PRKAR1B: variants seen among roughly 807,000 people sequenced by gnomAD.
The protein encoded by PRKAR1B is cAMP-dependent protein kinase type I-beta regulatory subunit.
Under a neutral mutation model 46.5 loss-of-function variants are expected in PRKAR1B, and 22 were observed. The ratio of observed to expected loss-of-function variants is 0.47; its 90% confidence interval spans 0.34 to 0.68. The LOEUF (loss-of-function observed/expected upper bound fraction) is 0.68. PRKAR1B is among the 30% of genes least tolerant of loss of function. The probability of loss-of-function intolerance (pLI) is 0.01; values close to 1 mark genes in which losing one functional copy is unlikely to be tolerated. For missense variants in PRKAR1B, 445 were observed against 535.6 expected, an observed-to-expected ratio of 0.83 and a Z score of 1.67; for synonymous variants, 259 against 217.7, an observed-to-expected ratio of 1.19 and a Z score of -1.67.
At chr7:649,737 T>G (rs1784797299) in intron 4 of PRKAR1B, among the ~76,000 whole-genome samples, 1 of 151,626 alleles carries the variant, frequency 6.6e-6, no homozygotes, top group African/African-American at 2.4e-5. Context: ...GGCTAATTTT[T>G]TGTTCTTTGC....
At position 623,837 on chromosome 7, in the gene PRKAR1B, G is replaced by GA. The variant is rs1783238280; in HGVS notation, c.441-16386dup. ...CTTGGCATTGGAGAGAGAAGCGCGT[G>GA]AATGGCCAGGGTTCAGGGTATGGAA... On this transcript the variant is annotated intron_variant, in intron 4 of 10. Transcript: ENST00000537384. Among the ~76,000 whole-genome samples, 5 of 152,326 alleles carry GA rather than the reference G, an allele frequency of 3.3e-5. No homozygotes were observed. The South Asian group carries it at 1.0e-3, about 32-fold the overall frequency.
intron 2 of PRKAR1B, among the ~76,000 whole-genome samples, chr7:700,911 G>A (rs1780022133): frequency 6.6e-6 from 1 of 152,168 alleles, no homozygotes; most frequent in South Asian, 2.1e-4. Flanking sequence ...AGGTGGGCAG[G>A]GCATCGTGGC....
intron 9 of PRKAR1B, among the ~76,000 whole-genome samples, chr7:573,690 A>G (rs1320588394): frequency 6.6e-6 from 1 of 152,202 alleles, no homozygotes; most frequent in African/African-American, 2.4e-5. Flanking sequence ...AACACCCAAG[A>G]AGGTAAAATC....
chr7:604,149 A>C (rs1244107260), intron 6 of PRKAR1B, among the ~76,000 whole-genome samples: 1 of 152,168 alleles, frequency 6.6e-6, no homozygotes, highest in Admixed American at 6.5e-5. Context: ...TCTGGATACC[A>C]GGCACAACGG....
intron 4 of PRKAR1B, among the ~76,000 whole-genome samples, chr7:640,791 CACACACACACACACACAG>C (rs751101896): frequency 0.029 from 3,766 of 129,722 alleles, 57 homozygotes; most frequent in Non-Finnish European, 0.034. Flanking sequence ...CACACACACA[CACACACACACACACACAG>C]ACACAAATGA....
At chr7:706,789 G>A (rs1400278601) in intron 2 of PRKAR1B, among the ~76,000 whole-genome samples, 2 of 152,186 alleles carry the variant, frequency 1.3e-5, no homozygotes, top group Admixed American at 1.3e-4. Context: ...GAAGGCCAGA[G>A]CACCAGAGGC....
At chr7:660,712 C>CT (rs1397475467) in intron 4 of PRKAR1B, among the ~76,000 whole-genome samples, 1 of 128,252 alleles carries the variant, frequency 7.8e-6, no homozygotes, top group African/African-American at 3.0e-5. Context: ...AATACCTACT[C>CT]TCCCCTCCAT....
chr7:681,854 C>A (rs1261984193), intron 2 of PRKAR1B, among the ~76,000 whole-genome samples: 1 of 152,290 alleles, frequency 6.6e-6, no homozygotes, highest in African/African-American at 2.4e-5. Context: ...TGTGCCTTTC[C>A]TCCTGCACCT....
At chr7:622,626 G>GTTA (rs553909708) in intron 4 of PRKAR1B, among the ~76,000 whole-genome samples, 54 of 152,218 alleles carry the variant, frequency 3.5e-4, no homozygotes, top group African/African-American at 1.2e-3. Flanking sequence ...GACACGGGTT[G>GTTA]TTATTCCCCC....
chr7:635,352 G>A (rs906449486), intron 4 of PRKAR1B, among the ~76,000 whole-genome samples: 4 of 152,192 alleles, frequency 2.6e-5, no homozygotes, highest in Non-Finnish European at 5.9e-5. Context: ...TCATGTTCGC[G>A]CCCAGGCAGA....
chr7:641,994 C>T (rs28789843), intron 4 of PRKAR1B, among the ~76,000 whole-genome samples: 1 of 152,086 alleles, frequency 6.6e-6, no homozygotes, highest in Admixed American at 6.6e-5. Flanking sequence ...CCTCAACCTC[C>T]CGGGTTCAAG....
At chr7:581,405 G>C (rs984040109) in intron 8 of PRKAR1B, among the ~76,000 whole-genome samples, 1 of 151,868 alleles carries the variant, frequency 6.6e-6, no homozygotes, top group Admixed American at 6.6e-5. Flanking sequence ...GTGCACACCT[G>C]ACAATTAAAT....
At chr7:685,349 T>TATATATACACACATAC (rs1779016448) in intron 2 of PRKAR1B, among the ~76,000 whole-genome samples, 5 of 71,034 alleles carry the variant, frequency 7.0e-5, no homozygotes, top group South Asian at 6.2e-4. Flanking sequence ...TATATATATG[T>TATATATACACACATAC]ATACATATAT....
In PRKAR1B at chr7:644,209, G is replaced by A. The variant is rs941735276; in HGVS notation, c.440+33020C>T. ...CCGACAGGCGGGATGTTCAACCTGC[G>A]TCAGGATGAACCCTCATATTATAGA... On this transcript the variant is annotated intron_variant, in intron 4 of 10. Transcript: ENST00000537384. This position sits in a 1 kb window ranked among gnomAD's most constrained non-coding sequence, Gnocchi z 4.9. 2.6e-5 allele frequency among the ~76,000 whole-genome samples: 4 copies of A among 152,104 alleles called. No homozygotes were observed. Among genetic ancestry groups the A allele is most frequent in the East Asian group, 1.9e-4 (1 of 5,192 alleles).
rs1290867506 is a variant in PRKAR1B, at chr7:579,265, G to C, written c.882C>G (p.Ile294Met). The C allele has an allele frequency of 8.1e-6, 13 of 1,614,032 alleles. No individual in the cohort carries two copies. The highest frequency in any genetic ancestry group is 1.1e-5 in the Non-Finnish European group (13 of 1,180,038). ...GGGAAGCACGTCTCACCTCCGTGATGATGTAAAAGTCGTCCCCAGGCTCTC... is the reference window on the plus strand; with the variant it reads ...GGGAAGCACGTCTCACCTCCGTGATCATGTAAAAGTCGTCCCCAGGCTCTC... Reference protein sequence around the residue: ...VQGEPGDDFYIITEGTASVLQ... With the variant: ...VQGEPGDDFYMITEGTASVLQ... The change falls in exon 9 of 11, where the codon ATC (isoleucine) becomes ATG (methionine). Residue 294 changes from isoleucine to methionine, a missense_variant. Around this residue, in one of 5 missense-constraint regions of PRKAR1B, gnomAD observed 127 missense variants for 138.0 expected, o/e 0.92. Coordinates refer to ENST00000537384, the MANE Select transcript of PRKAR1B (RefSeq NM_001164760.2).
intron 7 of PRKAR1B, among the ~76,000 whole-genome samples, chr7:594,301 G>C (rs1203548181): frequency 6.6e-6 from 1 of 152,110 alleles, no homozygotes; most frequent in Non-Finnish European, 1.5e-5. Flanking sequence ...CCCAAGCAGG[G>C]GATGGAGGAG....
chr7:587,290 G>A (rs1003023783), intron 7 of PRKAR1B, among the ~76,000 whole-genome samples: 10 of 152,210 alleles, frequency 6.6e-5, no homozygotes, highest in Non-Finnish European at 1.5e-4. Context: ...TCACAGGAAT[G>A]GAGATCGCAA....
chr7:690,387 T>C (rs994889529), intron 2 of PRKAR1B, among the ~76,000 whole-genome samples: 18 of 151,554 alleles, frequency 1.2e-4, no homozygotes, highest in Non-Finnish European at 7.4e-5. Context: ...GGGCCATCCA[T>C]ACCCTAGACC....
intron 8 of PRKAR1B, among the ~76,000 whole-genome samples, chr7:583,882 G>T (rs1432473009): frequency 6.6e-6 from 1 of 152,190 alleles, no homozygotes; most frequent in East Asian, 1.9e-4. Context: ...GCCTGCTCTA[G>T]CCCAAGGAGC....
Sources: gnomAD v4.1 joint callset for allele counts (sites outside exome capture counted in the v4.1 genomes callset) on GRCh38, gnomAD v4.1.1 for gene constraint, gnomAD v4.1.1 regional missense constraint, Gnocchi (gnomAD v3.1) non-coding constraint, MANE v1.5 for transcripts, NCBI Gene and HGNC (gene_info 2026-07-23, HGNC 2026-07-21) for gene names.